The following LRRC4B variants were observed in gnomAD, a reference collection of about 807,000 sequenced individuals.
LRRC4B encodes the protein leucine rich repeat containing 4B, also known as leucine-rich repeat-containing protein 4B.
A neutral mutation model predicts 7.3 loss-of-function variants in LRRC4B; 1 was observed. That is an observed-to-expected ratio of 0.14 (90% CI 0.05 to 0.65). LRRC4B has a LOEUF of 0.65. Ranked by LOEUF, LRRC4B falls within the 30% of genes least tolerant of loss-of-function variation. The pLI is 0.84. For synonymous variants in LRRC4B, 500 were observed against 499.2 expected (o/e 1.00, Z -0.02); for missense variants, 730 against 1,041.6 (o/e 0.70, Z 4.12).
chr19:50,559,145 GAAAA>G (rs895864749), intron 1 of LRRC4B, among the ~76,000 whole-genome samples: 6 of 151,322 alleles, frequency 4.0e-5, no homozygotes, highest in African/African-American at 1.5e-4. Flanking sequence ...AAAAGAAAAA[GAAAA>G]GAGGGCCGGG....
rs374564126 is a variant in LRRC4B at position 50,526,591 on chromosome 19, C to T, written c.298-7176G>A. On this transcript the variant is annotated intron_variant, in intron 2 of 2. Transcript: ENST00000652263. ...GGCGCAGTGGCTTACGCCTGTAATCCCAGCACTTTGGGAGGCCGAGGCAGG... is the reference window on the plus strand; with the variant it reads ...GGCGCAGTGGCTTACGCCTGTAATCTCAGCACTTTGGGAGGCCGAGGCAGG... Among the ~76,000 whole-genome samples the T allele has an allele frequency of 1.7e-4, 26 of 152,280 alleles. No homozygotes were observed. In the East Asian group the frequency reaches 3.7e-3, roughly 21 times the overall value.
intron 2 of LRRC4B, among the ~76,000 whole-genome samples, chr19:50,547,209 C>A (rs955331555): frequency 1.3e-5 from 2 of 152,120 alleles, no homozygotes; most frequent in Non-Finnish European, 2.9e-5. Flanking sequence ...GGGAGGTGGG[C>A]GTGGACAGAG....
At chr19:50,554,176 T>C (rs532322432) in intron 1 of LRRC4B, among the ~76,000 whole-genome samples, 84 of 151,886 alleles carry the variant, frequency 5.5e-4, no homozygotes, top group African/African-American at 1.8e-3. Context: ...TATTTTAAGT[T>C]AGAATCGGGG....
Position 50,537,035 on chromosome 19 carries a change from T to C in LRRC4B, c.297+11507A>G, listed in dbSNP as rs1301271602. On this transcript the variant is annotated intron_variant, in intron 2 of 2. Coordinates refer to ENST00000652263, the MANE Select transcript of LRRC4B (RefSeq NM_001080457.2). This position sits in a 1 kb window ranked among gnomAD's most constrained non-coding sequence, Gnocchi z 5.5. ...GGGAGGCTAGGAAGAAGCTGGGGCT[T>C]CCAGATGAGCAAGGACAAGGCCAGA... is the stretch of plus-strand genomic sequence containing the variant. Among the ~76,000 whole-genome samples, 1 of 152,064 alleles carries C rather than the reference T, an allele frequency of 6.6e-6. No homozygotes were observed. Among genetic ancestry groups the C allele is most frequent in the Non-Finnish European group, 1.5e-5 (1 of 67,992 alleles).
intron 2 of LRRC4B, among the ~76,000 whole-genome samples, chr19:50,538,559 G>GTT (rs71886675): frequency 3.9e-4 from 35 of 90,350 alleles, no homozygotes; most frequent in Non-Finnish European, 5.4e-4. Flanking sequence ...GTTTTGTCTT[G>GTT]TTTTTTTTTT....
chr19:50,538,559 G>GTTTTTTT (rs71886675), intron 2 of LRRC4B, among the ~76,000 whole-genome samples: 1 of 90,350 alleles, frequency 1.1e-5, no homozygotes. Context: ...GTTTTGTCTT[G>GTTTTTTT]TTTTTTTTTT....
intron 1 of LRRC4B, among the ~76,000 whole-genome samples, chr19:50,559,122 AAAAAG>A (rs1057155946): frequency 6.8e-6 from 1 of 146,086 alleles, no homozygotes; most frequent in African/African-American, 2.7e-5. Flanking sequence ...ACTTCCAAAA[AAAAAG>A]AAAAAGAAAA....
chr19:50,518,557 G>A lies in LRRC4B; in HGVS notation c.1156C>T (p.Arg386Cys). 6.3e-7 allele frequency: 1 copy of A among 1,589,674 alleles called. No individual in the cohort carries two copies. Among genetic ancestry groups the A allele is most frequent in the Non-Finnish European group, 8.6e-7 (1 of 1,165,508 alleles). Residue 386 changes from arginine (R) to cysteine (C), a missense_variant, in exon 3 of 3, where the codon CGC becomes TGC. Physicochemically the swap from Arg to Cys is radical, Grantham distance 180. Transcript: ENST00000652263. ...TEGMAAELKC[R>C]TGTSMTSVNW... ...ACGGAGGTCATGGAGGTGCCCGTGC[G>A]GCATTTGAGCTCGGCAGCCATGCCC...
rs367953664 is a variant in LRRC4B at position 50,550,464 on chromosome 19, C to A, written c.-35-1591G>T. Among the ~76,000 whole-genome samples, 16 of 74,568 alleles carry A rather than the reference C, an allele frequency of 2.1e-4. No homozygotes were observed. In the East Asian group the frequency reaches 3.7e-3, roughly 17 times the overall value. The allele number at this position is 74,568 out of a possible 152,430, so 48.9% of individuals were successfully genotyped here. ...CCTCTCACGGTGGACTCTCAGGACCCCCCTCTCACGGTGGACTCTCAGGAC... is the reference window on the plus strand; with the variant it reads ...CCTCTCACGGTGGACTCTCAGGACCACCCTCTCACGGTGGACTCTCAGGAC... On this transcript the variant is annotated intron_variant, in intron 1 of 2. Transcript: ENST00000652263.
At chr19:50,524,055 T>C (rs59586676) in intron 2 of LRRC4B, among the ~76,000 whole-genome samples, 7,010 of 152,142 alleles carry the variant, frequency 0.046, 534 homozygotes, top group African/African-American at 0.16. Context: ...TTGTGTGATA[T>C]TTTTTCCTCA....
At chr19:50,549,254 GAGAC>G (rs137918742) in intron 1 of LRRC4B, among the ~76,000 whole-genome samples, 19 of 152,196 alleles carry the variant, frequency 1.2e-4, no homozygotes, top group Admixed American at 9.8e-4. Context: ...TCAGAGGAGT[GAGAC>G]AGACAGACAG....
chr19:50,566,574 A>G (rs1599790551), intron 1 of LRRC4B, among the ~76,000 whole-genome samples: 1 of 95,614 alleles, frequency 1.0e-5, no homozygotes, highest in African/African-American at 3.6e-5. Flanking sequence ...GAGGAGGCGA[A>G]GGGGTGGAGG....
At chr19:50,565,068 G>T (rs7256923) in intron 1 of LRRC4B, among the ~76,000 whole-genome samples, 89,418 of 152,020 alleles carry the variant, frequency 0.59, 27,084 homozygotes, top group Non-Finnish European at 0.67. Flanking sequence ...GAGCCCCGTG[G>T]CGAGAGGAAC....
chr19:50,519,298 G>T lies in LRRC4B; in HGVS notation c.415C>A (p.Leu139Met). The T allele has an allele frequency of 6.2e-7, 1 of 1,613,952 alleles. No homozygotes were observed. ...AFNGLPSLNT[L>M]ELFDNRLTTV... ...GTCAGCCGGTTGTCAAAAAGCTCCA[G>T]CGTGTTGAGGCTGGGCAGCCCGTTG... The change falls in exon 3 of 3, where the codon CTG becomes ATG. Residue 139 changes from leucine to methionine, a missense_variant. Around this residue, in one of 6 missense-constraint regions of LRRC4B, gnomAD observed 226 missense variants for 448.0 expected, o/e 0.50. Transcript: ENST00000652263. The surrounding 1 kb of genome is among the most constrained non-coding windows in gnomAD (Gnocchi z 8.1).
At chr19:50,560,914 C>G (rs1568737841) in intron 1 of LRRC4B, among the ~76,000 whole-genome samples, 1 of 151,878 alleles carries the variant, frequency 6.6e-6, no homozygotes, top group Non-Finnish European at 1.5e-5. Context: ...CACAGTGAAA[C>G]CCCCGTCTCT....
chr19:50,520,201 G>C, intron 2 of LRRC4B, among the ~76,000 whole-genome samples: 1 of 26,716 alleles, frequency 3.7e-5, no homozygotes, highest in Non-Finnish European at 6.6e-5. Context: ...GTAATACCCT[G>C]TCAAAAAAAA....
chr19:50,528,271 C>A (rs535212203), intron 2 of LRRC4B, among the ~76,000 whole-genome samples: 3 of 151,786 alleles, frequency 2.0e-5, no homozygotes, highest in African/African-American at 7.3e-5. Context: ...AAACTCCTGG[C>A]CTTGAGCAAT....
At chr19:50,541,695 G>T (rs779324403) in intron 2 of LRRC4B, among the ~76,000 whole-genome samples, 1 of 152,192 alleles carries the variant, frequency 6.6e-6, no homozygotes, top group South Asian at 2.1e-4. Flanking sequence ...ACCCAGAGCC[G>T]CCCGCTAAAA....
chr19:50,532,614 T>G (rs1335247680), intron 2 of LRRC4B, among the ~76,000 whole-genome samples: 1 of 152,210 alleles, frequency 6.6e-6, no homozygotes, highest in Non-Finnish European at 1.5e-5. Context: ...AAGCCCTTTT[T>G]GACCCCTGGT....
Sources: gnomAD v4.1 joint callset for allele counts (sites outside exome capture counted in the v4.1 genomes callset) on GRCh38, gnomAD v4.1.1 for gene constraint, gnomAD v4.1.1 regional missense constraint, Gnocchi (gnomAD v3.1) non-coding constraint, MANE v1.5 for transcripts, NCBI Gene and HGNC (gene_info 2026-07-23, HGNC 2026-07-21) for gene names.